The following PCDH15 variants were observed in gnomAD, a reference collection of about 807,000 sequenced individuals.
PCDH15 encodes the protein protocadherin-15.
In PCDH15, 129 loss-of-function variants were observed where a neutral mutation model predicts 178.5. That is an observed-to-expected ratio of 0.72 (90% CI 0.63 to 0.84). The LOEUF is 0.84. Ranked by LOEUF, PCDH15 falls within the 40% of genes least tolerant of loss-of-function variation. The pLI is 0.00. For missense variants in PCDH15, 2,230 were observed against 2,099.9 expected (o/e 1.06, Z -1.21); for synonymous variants, 800 against 732.0 (o/e 1.09, Z -1.50).
intron 1 of PCDH15, among the ~76,000 whole-genome samples, chr10:55,222,730 C>CACACACACACACACATATATATATAT: frequency 8.2e-6 from 1 of 121,280 alleles, no homozygotes. Context: ...CACACACACA[C>CACACACACACACACATATATATATAT]ATATATATAT....
At chr10:54,687,953 T>TTC (rs1405342200) in intron 1 of PCDH15, among the ~76,000 whole-genome samples, 9 of 152,146 alleles carry the variant, frequency 5.9e-5, no homozygotes, top group African/African-American at 1.9e-4. Context: ...GCCCTAGAGA[T>TTC]CTGCCAAACA....
At chr10:54,128,654 C>A (rs1336650769) in intron 15 of PCDH15, among the ~76,000 whole-genome samples, 4 of 152,082 alleles carry the variant, frequency 2.6e-5, no homozygotes, top group Non-Finnish European at 4.4e-5. Flanking sequence ...CTATTTGAGA[C>A]CTCTCTTACT....
At chr10:54,532,998 C>T (rs1202129840) in intron 2 of PCDH15, among the ~76,000 whole-genome samples, 1 of 152,116 alleles carries the variant, frequency 6.6e-6, no homozygotes, top group Non-Finnish European at 1.5e-5. Context: ...CTGCCTTATG[C>T]CCTGAGGTAC....
At chr10:53,812,045 A>G (rs1425481996) in intron 35 of PCDH15, among the ~76,000 whole-genome samples, 1 of 152,068 alleles carries the variant, frequency 6.6e-6, no homozygotes, top group Admixed American at 6.6e-5. Flanking sequence ...ATTTTTTTTC[A>G]TCTCCCCACT....
chr10:53,812,465 G>A (rs956433497), intron 35 of PCDH15, among the ~76,000 whole-genome samples: 1 of 151,860 alleles, frequency 6.6e-6, no homozygotes. Context: ...AGCCCCAATC[G>A]GCCTCCCAAA....
At chr10:55,416,487 T>C (rs1838486739) in intron 2 of PCDH15, among the ~76,000 whole-genome samples, 1 of 151,750 alleles carries the variant, frequency 6.6e-6, no homozygotes, top group Non-Finnish European at 1.5e-5. Flanking sequence ...AAAATTATGA[T>C]AGCACAAAAA....
At chr10:53,923,385 C>T (rs776925608) in intron 25 of PCDH15, among the ~76,000 whole-genome samples, 19 of 152,156 alleles carry the variant, frequency 1.2e-4, no homozygotes, top group Non-Finnish European at 1.5e-4. Context: ...GAACTGACTA[C>T]GAGACTTGTG....
At chr10:55,510,645 T>TA (rs976859672) in intron 2 of PCDH15, among the ~76,000 whole-genome samples, 11 of 151,854 alleles carry the variant, frequency 7.2e-5, no homozygotes, top group African/African-American at 1.2e-4. Flanking sequence ...TGTATTCTTG[T>TA]AAAAAACTGT....
intron 25 of PCDH15, among the ~76,000 whole-genome samples, chr10:53,912,264 T>G (rs1252134372): frequency 6.6e-6 from 1 of 152,172 alleles, no homozygotes; most frequent in Non-Finnish European, 1.5e-5. Context: ...TGCTAAAAAC[T>G]CTCAATAAAC....
At chr10:54,289,335 A>C (rs2059244289) in intron 8 of PCDH15, among the ~76,000 whole-genome samples, 1 of 152,216 alleles carries the variant, frequency 6.6e-6, no homozygotes, top group Non-Finnish European at 1.5e-5. Flanking sequence ...ACAAAGCAGA[A>C]AGGAATAGCA....
intron 2 of PCDH15, chr10:54,607,099 A>G (rs2092776327): frequency 6.6e-6 from 1 of 152,098 alleles, no homozygotes; most frequent in Non-Finnish European, 1.5e-5. Flanking sequence ...TTAGTTGTCA[A>G]AGTAACTTAT....
chr10:54,007,166 A>G (rs2092414685), intron 20 of PCDH15, among the ~76,000 whole-genome samples: 2 of 152,280 alleles, frequency 1.3e-5, no homozygotes, highest in African/African-American at 4.8e-5. Context: ...TTTCTATATT[A>G]TGTTACAACG....
intron 2 of PCDH15, among the ~76,000 whole-genome samples, chr10:55,511,747 T>C (rs1023301129): frequency 5.3e-5 from 8 of 152,112 alleles, no homozygotes; most frequent in African/African-American, 1.7e-4. Flanking sequence ...GATTCAGTTA[T>C]GTATTCGCTA....
Position 54,023,215 on chromosome 10 carries a change from A to T in PCDH15, c.2221-18T>A, listed in dbSNP as rs778521204. On this transcript the variant is annotated intron_variant, in intron 18 of 37. Transcript: ENST00000644397. ...TCTGTTGCCTATTAAATAAAACAAA[A>T]AAACAAAAAAATTCACGTAAGTTTT... 1 of 1,610,012 alleles carries T rather than the reference A, an allele frequency of 6.2e-7. No individual in the cohort carries two copies. Among genetic ancestry groups the T allele is most frequent in the South Asian group, 1.1e-5 (1 of 90,938 alleles).
intron 9 of PCDH15, among the ~76,000 whole-genome samples, chr10:54,232,000 G>A (rs2054125149): frequency 1.3e-5 from 2 of 152,156 alleles, no homozygotes; most frequent in Admixed American, 1.3e-4. Flanking sequence ...GTTAAGACTT[G>A]GGGAACTGTT....
intron 37 of PCDH15, chr10:53,808,973 C>G (rs1343458215): frequency 9.0e-6 from 14 of 1,559,222 alleles, no homozygotes; most frequent in Non-Finnish European, 1.2e-5. Flanking sequence ...GAGTGTTCTT[C>G]TTCTTCCATC....
intron 22 of PCDH15, among the ~76,000 whole-genome samples, chr10:53,960,912 C>T (rs2088231837): frequency 6.6e-6 from 1 of 152,140 alleles, no homozygotes; most frequent in African/African-American, 2.4e-5. Context: ...AATGTTCAAA[C>T]ACTTAATAAA....
In PCDH15 at chr10:54,312,910, T is replaced by TA. The variant is rs140515831; in HGVS notation, c.876+4360dup. ...AAGTGCCTAGGCTTACAAGTAAATA[T>TA]ATCTATATTTTTGTACATGAAATAA... On this transcript the variant is annotated intron_variant, in intron 8 of 37. Coordinates refer to ENST00000644397, the MANE Select transcript of PCDH15 (RefSeq NM_001384140.1). 4.1e-3 allele frequency among the ~76,000 whole-genome samples: 618 copies of TA among 152,204 alleles called. 35 individuals are homozygous for TA. In the East Asian group the frequency reaches 0.1, roughly 25 times the overall value.
In PCDH15 at chr10:53,806,762, A is replaced by C; in HGVS notation, c.5040T>G (p.Thr1680=). The C allele has an allele frequency of 6.2e-7, 1 of 1,613,786 alleles. No individual in the cohort carries two copies. The highest frequency in any genetic ancestry group is 8.5e-7 in the Non-Finnish European group (1 of 1,179,816). The part of the protein sequence containing the change: ...LVTFAPCPVG[T]DNTAVKPLRN... ...TTAGTGGCTTCACCGCTGTATTGTC[A>C]GTCCCCACAGGGCAAGGGGCAAATG... The change falls in exon 38 of 38, where the codon ACT becomes ACG. Residue 1680 remains threonine, a synonymous_variant. Coordinates refer to ENST00000644397, the MANE Select transcript of PCDH15 (RefSeq NM_001384140.1).
Sources: allele counts gnomAD v4.1 joint callset (sites outside exome capture counted in the v4.1 genomes callset), GRCh38; gene constraint gnomAD v4.1.1; transcripts MANE v1.5; gene names NCBI Gene and HGNC (gene_info 2026-07-23, HGNC 2026-07-21).